The following KCNMB2 variants were observed in gnomAD, a reference collection of about 807,000 sequenced individuals.
KCNMB2 encodes calcium-activated potassium channel subunit beta-2.
Under a neutral mutation model 24.5 loss-of-function variants are expected in KCNMB2, and 9 were observed. That is an observed-to-expected ratio of 0.37 (90% CI 0.22 to 0.64). The LOEUF is 0.64. KCNMB2 is among the 30% of genes least tolerant of loss of function. The pLI is 0.63. For synonymous variants in KCNMB2, 109 were observed against 104.4 expected, an observed-to-expected ratio of 1.04 and a Z score of -0.27; for missense variants, 226 against 284.3, an observed-to-expected ratio of 0.79 and a Z score of 1.47.
intron 1 of KCNMB2, among the ~76,000 whole-genome samples, chr3:178,649,326 A>G (rs1309349396): frequency 6.6e-6 from 1 of 152,050 alleles, no homozygotes; most frequent in Non-Finnish European, 1.5e-5. Flanking sequence ...TATTCTTTTC[A>G]TATTTTTACT....
In KCNMB2 at chr3:178,843,074, C is replaced by T. The variant is rs1198829739; in HGVS notation, c.*137C>T. On this transcript the variant is annotated 3_prime_UTR_variant, in exon 5 of 5. Coordinates refer to ENST00000452583, the MANE Select transcript of KCNMB2 (RefSeq NM_181361.3). ...TATTCTTATATGTAGAGCAATAATG[C>T]AAAAGCTGTTCTATATGCAAACATG... 45 of 714,374 alleles carry T rather than the reference C, an allele frequency of 6.3e-5. No individual in the cohort carries two copies. In the South Asian group the frequency reaches 7.4e-4, roughly 12 times the overall value. 44.3% of individuals were successfully genotyped at this position (714,374 alleles called of 1,614,324 possible).
At chr3:178,811,810 G>C (rs1714204551) in intron 2 of KCNMB2, among the ~76,000 whole-genome samples, 1 of 152,190 alleles carries the variant, frequency 6.6e-6, no homozygotes, top group Non-Finnish European at 1.5e-5. Context: ...CCATACATGA[G>C]ATTCCCATTG....
intron 1 of KCNMB2, among the ~76,000 whole-genome samples, chr3:178,607,025 T>C (rs1718297185): frequency 6.6e-6 from 1 of 152,198 alleles, no homozygotes; most frequent in African/African-American, 2.4e-5. Flanking sequence ...GAGAAATAAA[T>C]TTCTGCTGTT....
At chr3:178,720,897 G>A (rs1305856782) in intron 1 of KCNMB2, among the ~76,000 whole-genome samples, 1 of 151,950 alleles carries the variant, frequency 6.6e-6, no homozygotes, top group East Asian at 1.9e-4. Flanking sequence ...TGTCAGATGA[G>A]TAGGTTGCGA....
In KCNMB2 at chr3:178,837,426, C is replaced by T. The variant is rs146913751; in HGVS notation, c.424-5227C>T. Among the ~76,000 whole-genome samples, 16 of 152,236 alleles carry T rather than the reference C, an allele frequency of 1.1e-4. No homozygotes were observed. The East Asian group carries it at 3.1e-3, about 29-fold the overall frequency. ...TACAGTCACACAGTAACCAGATCTCCTGAGCACAAGTTAGGAGCTTGTTAT... is the reference window on the plus strand; with the variant it reads ...TACAGTCACACAGTAACCAGATCTCTTGAGCACAAGTTAGGAGCTTGTTAT... On this transcript the variant is annotated intron_variant, in intron 4 of 4. Coordinates refer to ENST00000452583, the MANE Select transcript of KCNMB2 (RefSeq NM_181361.3).
chr3:178,807,123 C>T (rs148311226), intron 1 of KCNMB2, among the ~76,000 whole-genome samples: 82 of 152,260 alleles, frequency 5.4e-4, no homozygotes, highest in African/African-American at 1.9e-3. Flanking sequence ...TCAATCCCGG[C>T]AGTATGTTAC....
At chr3:178,703,885 G>A (rs775968200) in intron 1 of KCNMB2, among the ~76,000 whole-genome samples, 149 of 152,210 alleles carry the variant, frequency 9.8e-4, no homozygotes, top group Admixed American at 1.6e-3. Context: ...TTAGAGTGAG[G>A]AACAAGGTGG....
intron 1 of KCNMB2, among the ~76,000 whole-genome samples, chr3:178,607,600 A>T (rs1718320626): frequency 6.6e-6 from 1 of 151,840 alleles, no homozygotes; most frequent in African/African-American, 2.4e-5. Context: ...TTTAATTAGC[A>T]TTAGTCCCTC....
At chr3:178,719,500 G>A (rs1722725973) in intron 1 of KCNMB2, among the ~76,000 whole-genome samples, 1 of 152,170 alleles carries the variant, frequency 6.6e-6, no homozygotes, top group African/African-American at 2.4e-5. Context: ...GAAGGCAGTG[G>A]GAAGCATTTG....
chr3:178,564,462 G>T (rs1560110275), intron 1 of KCNMB2, among the ~76,000 whole-genome samples: 3 of 152,102 alleles, frequency 2.0e-5, no homozygotes, highest in Non-Finnish European at 2.9e-5. Flanking sequence ...AAATTGAGAG[G>T]AAAAATCAGA....
intron 1 of KCNMB2, among the ~76,000 whole-genome samples, chr3:178,609,210 T>A (rs994336981): frequency 6.6e-6 from 1 of 152,230 alleles, no homozygotes; most frequent in Non-Finnish European, 1.5e-5. Flanking sequence ...GATATGTCAT[T>A]ATAGTTTTGC....
At chr3:178,655,815 G>C (rs748414906) in intron 1 of KCNMB2, among the ~76,000 whole-genome samples, 4 of 152,210 alleles carry the variant, frequency 2.6e-5, no homozygotes, top group Non-Finnish European at 5.9e-5. Flanking sequence ...ATGCATGAAA[G>C]TTATTCATAT....
intron 1 of KCNMB2, among the ~76,000 whole-genome samples, chr3:178,613,445 A>G (rs924610798): frequency 1.3e-5 from 2 of 152,210 alleles, no homozygotes; most frequent in African/African-American, 4.8e-5. Context: ...CCTTCAGGTG[A>G]GTATTTATTG....
chr3:178,617,415 G>T (rs140928958), intron 1 of KCNMB2, among the ~76,000 whole-genome samples: 1 of 151,362 alleles, frequency 6.6e-6, no homozygotes, highest in Non-Finnish European at 1.5e-5. Flanking sequence ...AACATTAGCC[G>T]GGCGTGGTGG....
chr3:178,787,260 T>C (rs1025591745), intron 1 of KCNMB2, among the ~76,000 whole-genome samples: 3 of 152,302 alleles, frequency 2.0e-5, no homozygotes, highest in Middle Eastern at 6.8e-3. Flanking sequence ...ACTTAATGCT[T>C]CCCATGTTGC....
intron 1 of KCNMB2, among the ~76,000 whole-genome samples, chr3:178,549,745 C>T (rs1409578245): frequency 6.6e-6 from 1 of 152,124 alleles, no homozygotes; most frequent in African/African-American, 2.4e-5. Context: ...TAACAACACT[C>T]ATTGTCTCTT....
At chr3:178,643,430 C>A (rs893943919) in intron 1 of KCNMB2, among the ~76,000 whole-genome samples, 1 of 152,072 alleles carries the variant, frequency 6.6e-6, no homozygotes, top group Non-Finnish European at 1.5e-5. Flanking sequence ...ACTGCTGAAA[C>A]CTGAATAAGC....
intron 2 of KCNMB2, among the ~76,000 whole-genome samples, chr3:178,809,149 T>C (rs1207673188): frequency 6.6e-6 from 1 of 152,220 alleles, no homozygotes; most frequent in Non-Finnish European, 1.5e-5. Flanking sequence ...AATTCTATAT[T>C]TGAAAGTGCA....
rs181910418 is a variant in KCNMB2 at position 178,740,335 on chromosome 3, T to C, written c.-67-67008T>C. Among the ~76,000 whole-genome samples the C allele has an allele frequency of 2.4e-3, 361 of 152,210 alleles. 1 individual carries two copies. Among genetic ancestry groups the C allele is most frequent in the Non-Finnish European group, 4.1e-3 (278 of 67,994 alleles). On this transcript the variant is annotated intron_variant, in intron 1 of 4. Transcript: ENST00000452583. ...CGGAGTTTCACCATGTTAGCCAGGA[T>C]GGTCTCGATCTCCTGACCTCATGAT...
Sources: allele counts gnomAD v4.1 joint callset (sites outside exome capture counted in the v4.1 genomes callset), GRCh38; gene constraint gnomAD v4.1.1; transcripts MANE v1.5; gene names NCBI Gene and HGNC (gene_info 2026-07-23, HGNC 2026-07-21).